The following BIRC2 variants were observed in gnomAD, a reference collection of about 807,000 sequenced individuals.
The protein encoded by BIRC2 is baculoviral IAP repeat containing 2, also known as baculoviral IAP repeat-containing protein 2.
A neutral mutation model predicts 60.9 loss-of-function variants in BIRC2; 18 were observed. That is an observed-to-expected ratio of 0.30 (90% confidence interval 0.20 to 0.44). The LOEUF is 0.44. BIRC2 is among the 20% of genes least tolerant of loss of function. The probability of loss-of-function intolerance (pLI) is 1.00; values close to 1 mark genes in which losing one functional copy is unlikely to be tolerated. For missense variants in BIRC2, 701 were observed against 728.5 expected (o/e 0.96, Z 0.43); for synonymous variants, 282 against 247.7 (o/e 1.14, Z -1.30).
chr11:102,368,639 C>T (rs1199619117), intron 6 of BIRC2, 91 bp downstream of exon 6: 1 of 1,498,158 alleles, frequency 6.7e-7, no homozygotes, highest in Non-Finnish European at 9.0e-7. Flanking sequence ...TGTTTCACAT[C>T]CACTAACTGC....
At position 102,350,067 on chromosome 11, in the gene BIRC2, T is replaced by G; in HGVS notation, c.213T>G (p.Gly71=). 2 of 1,614,192 alleles carry G rather than the reference T, an allele frequency of 1.2e-6. No homozygotes were observed. The highest frequency in any genetic ancestry group is 1.7e-6 in the Non-Finnish European group (2 of 1,180,022). ...PVSERSLARA[G]FYYTGVNDKV... is the part of the protein sequence containing the mutation. ...CAGAAAGGAGTCTTGCTCGTGCTGG[T>G]TTTTATTATACTGGTGTGAATGACA... The change falls in exon 2 of 9, where the codon GGT becomes GGG. Residue 71 remains glycine (G), a synonymous_variant. Coordinates refer to ENST00000227758, the MANE Select transcript of BIRC2 (RefSeq NM_001166.5).
intron 6 of BIRC2, among the ~76,000 whole-genome samples, chr11:102,375,530 C>T (rs1951701334): frequency 6.6e-6 from 1 of 152,128 alleles, no homozygotes; most frequent in Non-Finnish European, 1.5e-5. Context: ...CCTGTAATCC[C>T]AGCACTTTGG....
Position 102,368,299 on chromosome 11 carries a change from C to G in BIRC2, c.1124-7C>G. Reference sequence around the variant, plus strand: ...AATTTAATATTAGCATGTTTCTTTTCAAATAGTTATTCATTTTGGACCTGG... The same window carrying G: ...AATTTAATATTAGCATGTTTCTTTTGAAATAGTTATTCATTTTGGACCTGG... On this transcript the variant is annotated splice_polypyrimidine_tract_variant and splice_region_variant and intron_variant, in intron 5 of 8. Transcript: ENST00000227758. 1.9e-6 allele frequency: 3 copies of G among 1,606,570 alleles called. No homozygotes were observed. Among genetic ancestry groups the G allele is most frequent in the Non-Finnish European group, 2.5e-6 (3 of 1,176,546 alleles).
Position 102,378,391 on chromosome 11 carries a change from G to A in BIRC2, c.*208G>A, listed in dbSNP as rs1951737996. On this transcript the variant is annotated 3_prime_UTR_variant, in exon 9 of 9. Transcript: ENST00000227758. ...TGTTTATTTACAAGGGAAGATTTAT[G>A]TTTGGTGAACTATATTAGTATGTAT... 1 of 457,134 alleles carries A rather than the reference G, an allele frequency of 2.2e-6. No homozygotes were observed. Among genetic ancestry groups the A allele is most frequent in the Non-Finnish European group, 3.8e-6 (1 of 263,888 alleles). The allele number at this position is 457,134 out of a possible 1,614,324, so 28.3% of individuals were successfully genotyped here. A position where few individuals can be genotyped will look rare whatever the true frequency, so the allele number is the denominator to read the frequency against.
Position 102,366,011 on chromosome 11 carries a change from A to G in BIRC2, c.1123+2295A>G, listed in dbSNP as rs77231592. On this transcript the variant is annotated intron_variant, in intron 5 of 8. Coordinates refer to ENST00000227758, the MANE Select transcript of BIRC2 (RefSeq NM_001166.5). ...TTGGCTGCTCCTTTTTCAAACTTCA[A>G]AATGTTGGAGTACCCCTCATAGCTC... is the stretch of plus-strand genomic sequence containing the variant. 1.1e-3 allele frequency among the ~76,000 whole-genome samples: 163 copies of G among 152,170 alleles called. 1 individual carries two copies. The highest frequency in any genetic ancestry group is 3.6e-3 in the African/African-American group (150 of 41,500).
chr11:102,368,594 T>C, intron 6 of BIRC2, 46 bp downstream of exon 6: 1 of 1,593,164 alleles, frequency 6.3e-7, no homozygotes, highest in Non-Finnish European at 8.6e-7. Context: ...AGTGGAGCTC[T>C]TAGGACTGTC....
chr11:102,350,108 G>T lies in BIRC2; in HGVS notation c.254G>T (p.Cys85Phe), dbSNP rs549630656. The change falls in exon 2 of 9, where the codon TGT (cysteine) becomes TTT (phenylalanine). Residue 85 changes from cysteine to phenylalanine, a missense_variant. Physicochemically the swap from Cys to Phe is radical, Grantham distance 205. Coordinates refer to ENST00000227758, the MANE Select transcript of BIRC2 (RefSeq NM_001166.5). ...TGVNDKVKCFCCGLMLDNWKL... is the reference protein window; with the variant it reads ...TGVNDKVKCFFCGLMLDNWKL... ...GTGAATGACAAGGTCAAATGCTTCT[G>T]TTGTGGCCTGATGCTGGATAACTGG... The T allele has an allele frequency of 1.2e-5, 19 of 1,614,102 alleles. No individual in the cohort carries two copies. The East Asian group carries it at 4.0e-4, about 34-fold the overall frequency.
intron 6 of BIRC2, among the ~76,000 whole-genome samples, chr11:102,374,783 G>A (rs1379695018): frequency 6.6e-6 from 1 of 152,252 alleles, no homozygotes; most frequent in Non-Finnish European, 1.5e-5. Context: ...CTGCCTTGCA[G>A]TTTGATCTCA....
chr11:102,352,709 G>A (rs906135553), intron 3 of BIRC2, among the ~76,000 whole-genome samples: 1 of 152,142 alleles, frequency 6.6e-6, no homozygotes, highest in Non-Finnish European at 1.5e-5. Context: ...GGGATTACAG[G>A]CATGAGCCAC....
At chr11:102,374,872 C>G (rs1001393206) in intron 6 of BIRC2, among the ~76,000 whole-genome samples, 3 of 152,168 alleles carry the variant, frequency 2.0e-5, no homozygotes, top group African/African-American at 4.8e-5. Flanking sequence ...TCTCTTGGTT[C>G]GCCGTTTTTT....
chr11:102,375,000 T>C (rs1185253687), intron 6 of BIRC2, among the ~76,000 whole-genome samples: 5 of 152,252 alleles, frequency 3.3e-5, no homozygotes, highest in Admixed American at 6.5e-5. Flanking sequence ...TTCCCAAGTG[T>C]GGCAATGCCT....
In BIRC2 at chr11:102,369,617, A is replaced by G. The variant is rs1009082868; in HGVS notation, c.1366+1069A>G. Among the ~76,000 whole-genome samples, 35 of 145,124 alleles carry G rather than the reference A, an allele frequency of 2.4e-4. No individual in the cohort carries two copies. The South Asian group carries it at 2.7e-3, about 11-fold the overall frequency. Reference sequence around the variant, plus strand: ...CTTTGCTATTGTGAATAATGCCGCAATAAACATACGTGTGCATGTGTCTTT... The same window carrying G: ...CTTTGCTATTGTGAATAATGCCGCAGTAAACATACGTGTGCATGTGTCTTT... On this transcript the variant is annotated intron_variant, in intron 6 of 8. Coordinates refer to ENST00000227758, the MANE Select transcript of BIRC2 (RefSeq NM_001166.5).
At chr11:102,348,294 C>T (rs760546523) in intron 1 of BIRC2, 1 of 152,960 alleles carries the variant, frequency 6.5e-6, no homozygotes, top group Non-Finnish European at 1.5e-5. Flanking sequence ...GCCAGAGTTA[C>T]CTTTAGGCCA....
At chr11:102,355,300 TCTGGTTTTATTGTTTTAC>T (rs1209686068) in intron 3 of BIRC2, among the ~76,000 whole-genome samples, 2 of 152,132 alleles carry the variant, frequency 1.3e-5, no homozygotes, top group Non-Finnish European at 2.9e-5. Context: ...AAGATAGAGG[TCTGGTTTTATTGTTTTAC>T]ATAAAAACGG....
intron 5 of BIRC2, among the ~76,000 whole-genome samples, chr11:102,365,810 C>G (rs1213981690): frequency 2.0e-5 from 3 of 151,954 alleles, no homozygotes; most frequent in Non-Finnish European, 4.4e-5. Flanking sequence ...CCAGGCTGGT[C>G]TCAAACTCTT....
intron 3 of BIRC2, among the ~76,000 whole-genome samples, chr11:102,360,663 G>A (rs1229582704): frequency 7.0e-6 from 1 of 143,680 alleles, no homozygotes; most frequent in Admixed American, 6.9e-5. Context: ...AAATTACTGA[G>A]TTTCTTTGCT....
chr11:102,363,200 A>G (rs1002390560), intron 4 of BIRC2, among the ~76,000 whole-genome samples: 2 of 152,150 alleles, frequency 1.3e-5, no homozygotes, highest in Admixed American at 6.5e-5. Context: ...TTACTTTTGT[A>G]ACCAACTTGA....
chr11:102,376,638 T>C (rs1278075951), intron 6 of BIRC2, among the ~76,000 whole-genome samples: 1 of 152,184 alleles, frequency 6.6e-6, no homozygotes, highest in African/African-American at 2.4e-5. Flanking sequence ...CTGTGGAGTT[T>C]TATGTGATGC....
intron 6 of BIRC2, 142 bp downstream of exon 6, chr11:102,368,690 T>A (rs1951582081): frequency 1.7e-6 from 2 of 1,171,162 alleles, no homozygotes; most frequent in South Asian, 3.4e-5. Flanking sequence ...ATCCCTCCTT[T>A]TCTACCCCTT....
Sources: gnomAD v4.1 joint callset for allele counts (sites outside exome capture counted in the v4.1 genomes callset) on GRCh38, gnomAD v4.1.1 for gene constraint, MANE v1.5 for transcripts, NCBI Gene and HGNC (gene_info 2026-07-23, HGNC 2026-07-21) for gene names.